The following DSTYK variants were observed in gnomAD, a reference collection of about 807,000 sequenced individuals.
DSTYK encodes the protein dual serine/threonine and tyrosine protein kinase.
Under a neutral mutation model 98.7 loss-of-function variants are expected in DSTYK, and 34 were observed. The observed-to-expected ratio is 0.34, with a 90% CI of 0.26 to 0.46. DSTYK has a LOEUF of 0.46. Ranked by LOEUF, DSTYK falls within the 20% of genes least tolerant of loss-of-function variation. The pLI is 1.00. For synonymous variants in DSTYK, 462 were observed against 457.3 expected, an observed-to-expected ratio of 1.01 and a Z score of -0.13; for missense variants, 962 against 1,181.7, an observed-to-expected ratio of 0.81 and a Z score of 2.73.
Position 205,163,796 on chromosome 1 carries a change from AG to A in DSTYK, c.1483del (p.Leu495TrpfsTer27). ...DYLRESFVGTLERCLQSLEKS... is the reference protein window; with the variant it reads ...DYLRESFVGTXERCLQSLEKS... ...CTCCAGGCTCTGCAGACATCGTTCC[AG>A]GGTTCCGACGAAGCTTTCCCTCAGG... is the stretch of plus-strand genomic sequence containing the variant. On this transcript the variant is annotated frameshift_variant, in exon 4 of 13. Transcript: ENST00000367162. LOFTEE classifies it high-confidence loss of function. 1 of 1,614,186 alleles carries A rather than the reference AG, an allele frequency of 6.2e-7. No homozygotes were observed. The highest frequency in any genetic ancestry group is 8.5e-7 in the Non-Finnish European group (1 of 1,180,032).
At chr1:205,192,250 G>A (rs1364251348) in intron 1 of DSTYK, among the ~76,000 whole-genome samples, 1 of 152,134 alleles carries the variant, frequency 6.6e-6, no homozygotes, top group Non-Finnish European at 1.5e-5. Flanking sequence ...TGAAGAAATG[G>A]ACCAGGCATG....
rs12759789 is a variant in DSTYK at position 205,146,388 on chromosome 1, G to C, written c.*1170C>G. ...ACTCCTAAGTACCATGTTATCTGGAGCTTTCCCACTTTGAGATGAAAAGAG... is the reference window on the plus strand; with the variant it reads ...ACTCCTAAGTACCATGTTATCTGGACCTTTCCCACTTTGAGATGAAAAGAG... On this transcript the variant is annotated 3_prime_UTR_variant, in exon 13 of 13. Coordinates refer to ENST00000367162, the MANE Select transcript of DSTYK (RefSeq NM_015375.3). 1 of 152,064 alleles carries C rather than the reference G, an allele frequency of 6.6e-6. No homozygotes were observed. Among genetic ancestry groups the C allele is most frequent in the Non-Finnish European group, 1.5e-5 (1 of 68,018 alleles). 9.4% of individuals were successfully genotyped at this position (152,064 alleles called of 1,614,324 possible). A position where few individuals can be genotyped will look rare whatever the true frequency, so the allele number is the denominator to read the frequency against.
At chr1:205,210,489 A>C (rs1659339163) in intron 1 of DSTYK, among the ~76,000 whole-genome samples, 1 of 152,142 alleles carries the variant, frequency 6.6e-6, no homozygotes, top group Non-Finnish European at 1.5e-5. Flanking sequence ...TTCCCCACCA[A>C]CAGCAGTTTA....
chr1:205,169,270 A>C lies in DSTYK; in HGVS notation c.1217T>G (p.Met406Arg). The C allele has an allele frequency of 1.2e-6, 2 of 1,614,142 alleles. No individual in the cohort carries two copies. The highest frequency in any genetic ancestry group is 1.7e-6 in the Non-Finnish European group (2 of 1,180,018). Residue 406 changes from methionine to arginine, a missense_variant, in exon 3 of 13, where the codon ATG (methionine) becomes AGG (arginine). Transcript: ENST00000367162. The surrounding 1 kb of genome is among the most constrained non-coding windows in gnomAD (Gnocchi z 4.0). ...KKENELYESL[M>R]NIANRKQEEM... ...CTCCTGCTTTCGGTTGGCAATATTCATCAATGATTCATACAACTCATTCTC... is the reference window on the plus strand; with the variant it reads ...CTCCTGCTTTCGGTTGGCAATATTCCTCAATGATTCATACAACTCATTCTC...
At position 205,142,994 on chromosome 1, in the gene DSTYK, T is replaced by G. The variant is rs556675091; in HGVS notation, c.*4564A>C. 6.6e-6 allele frequency: 1 copy of G among 152,220 alleles called. No homozygotes were observed. The highest frequency in any genetic ancestry group is 6.6e-5 in the Admixed American group (1 of 15,264). 9.4% of individuals were successfully genotyped at this position (152,220 alleles called of 1,614,324 possible). A position where few individuals can be genotyped will look rare whatever the true frequency, so the allele number is the denominator to read the frequency against. On this transcript the variant is annotated 3_prime_UTR_variant, in exon 13 of 13. Coordinates refer to ENST00000367162, the MANE Select transcript of DSTYK (RefSeq NM_015375.3). ...TTAACAAAACAGATGAAGTTAAAAA[T>G]GAAACCCTTTTAGGAACAGTAGTGC...
chr1:205,151,735 C>T (rs1657412800), intron 10 of DSTYK, among the ~76,000 whole-genome samples: 1 of 146,948 alleles, frequency 6.8e-6, no homozygotes, highest in African/African-American at 2.5e-5. Flanking sequence ...TTGTTAAGAA[C>T]TAAAACACAG....
chr1:205,148,869 C>T (rs1358721588), intron 11 of DSTYK, among the ~76,000 whole-genome samples: 1 of 149,710 alleles, frequency 6.7e-6, no homozygotes. Context: ...TATGAAGTAG[C>T]CAAAATAGAA....
Position 205,211,470 on chromosome 1 carries a change from T to C in DSTYK, c.66A>G (p.Gly22=). The C allele has an allele frequency of 1.3e-6, 2 of 1,588,368 alleles. No homozygotes were observed. The highest frequency in any genetic ancestry group is 1.7e-6 in the Non-Finnish European group (2 of 1,171,534). Residue 22 remains glycine (G), a synonymous_variant, in exon 1 of 13, where the codon GGA becomes GGG. Coordinates refer to ENST00000367162, the MANE Select transcript of DSTYK (RefSeq NM_015375.3). The stretch of plus-strand genomic sequence containing the variant: ...AGCCCCGGCACAGCTCGCGGATCAT[T>C]CCGCCGCCGCCGGGGCCGGGACCCG... The part of the protein sequence containing the change: ...PVSGPGPGGG[G]MIRELCRGFG...
chr1:205,149,516 T>C (rs999458839), intron 11 of DSTYK, among the ~76,000 whole-genome samples: 1 of 152,240 alleles, frequency 6.6e-6, no homozygotes, highest in African/African-American at 2.4e-5. Context: ...TCACTAACCA[T>C]ATCAAGTTAG....
chr1:205,160,139 G>A lies in DSTYK; in HGVS notation c.2080C>T (p.Leu694=). Residue 694 remains leucine, a synonymous_variant, in exon 8 of 13, where the codon CTG becomes TTG. Transcript: ENST00000367162. ...VPPDEKHWND[L]ALEFHYMRSL... The stretch of plus-strand genomic sequence containing the variant: ...CTCATATAGTGAAATTCCAAAGCCA[G>A]ATCATTCCAGTGCTTCTCATCTGGA... 3.1e-6 allele frequency: 5 copies of A among 1,614,168 alleles called. No individual in the cohort carries two copies. The highest frequency in any genetic ancestry group is 4.2e-6 in the Non-Finnish European group (5 of 1,180,018).
chr1:205,148,460 A>G, intron 11 of DSTYK, 121 bp from the exon 12 acceptor site: 1 of 1,228,342 alleles, frequency 8.1e-7, no homozygotes, highest in African/African-American at 1.5e-5. Context: ...TTATCTCTCA[A>G]TAACAACCCT....
intron 1 of DSTYK, among the ~76,000 whole-genome samples, chr1:205,202,948 A>G (rs757804106): frequency 1.1e-4 from 16 of 152,098 alleles, no homozygotes; most frequent in Non-Finnish European, 2.2e-4. Flanking sequence ...TTTATTGGAG[A>G]AAGATTCCCT....
chr1:205,163,417 C>A (rs538354084), intron 4 of DSTYK, among the ~76,000 whole-genome samples: 6 of 152,132 alleles, frequency 3.9e-5, no homozygotes, highest in African/African-American at 9.6e-5. Context: ...TGGGATTTCT[C>A]CATGTTGGTC....
intron 1 of DSTYK, among the ~76,000 whole-genome samples, chr1:205,193,383 T>G: frequency 6.6e-6 from 1 of 152,186 alleles, no homozygotes; most frequent in East Asian, 1.9e-4. Flanking sequence ...CTATTTTCCA[T>G]CCCATCAGGC....
rs867832957 is a variant in DSTYK, at chr1:205,161,274, C to G, written c.1932G>C (p.Gln644His). 32 of 1,613,974 alleles carry G rather than the reference C, an allele frequency of 2.0e-5. No individual in the cohort carries two copies. The highest frequency in any genetic ancestry group is 2.6e-5 in the Non-Finnish European group (31 of 1,179,994). Residue 644 changes from glutamine to histidine, a missense_variant, in exon 7 of 13, where the codon CAG (glutamine) becomes CAC (histidine). This residue lies in a region of DSTYK where 660 missense variants were observed against 855.0 expected (regional missense o/e 0.77). Coordinates refer to ENST00000367162, the MANE Select transcript of DSTYK (RefSeq NM_015375.3). ...ARLSLESCSL[Q>H]DVLLHRKPKL... ...CAGACTCACGATGAAGCAAGACATC[C>G]TGTAAAGAACAGCTTTCCAGAGAAA...
chr1:205,179,241 A>C (rs1658322431), intron 2 of DSTYK, among the ~76,000 whole-genome samples: 1 of 152,152 alleles, frequency 6.6e-6, no homozygotes, highest in Non-Finnish European at 1.5e-5. Context: ...CTACAAAGAC[A>C]ATGTTTAAAC....
chr1:205,179,689 T>C (rs1256737341), intron 2 of DSTYK, among the ~76,000 whole-genome samples: 2 of 147,514 alleles, frequency 1.4e-5, no homozygotes, highest in African/African-American at 5.3e-5. Flanking sequence ...GGGTTCTGTA[T>C]TAAGAAGTAT....
At chr1:205,200,617 C>T (rs1659002960) in intron 1 of DSTYK, among the ~76,000 whole-genome samples, 1 of 152,116 alleles carries the variant, frequency 6.6e-6, no homozygotes, top group South Asian at 2.1e-4. Context: ...AACACTAATC[C>T]TTTTTTCCTT....
At chr1:205,167,886 T>C (rs1053178632) in intron 3 of DSTYK, among the ~76,000 whole-genome samples, 1 of 151,682 alleles carries the variant, frequency 6.6e-6, no homozygotes. Flanking sequence ...CCGAGGCGGG[T>C]AGATTACGAG....
Sources: allele counts gnomAD v4.1 joint callset (sites outside exome capture counted in the v4.1 genomes callset), GRCh38; gene constraint gnomAD v4.1.1; regional missense constraint gnomAD v4.1.1; non-coding constraint Gnocchi (gnomAD v3.1); transcripts MANE v1.5; gene names NCBI Gene and HGNC (gene_info 2026-07-23, HGNC 2026-07-21).